The following HDGFL3 variants were observed in gnomAD, a reference collection of about 807,000 sequenced individuals.
The protein encoded by HDGFL3 is HDGF like 3.
A neutral mutation model predicts 27.6 loss-of-function variants in HDGFL3; 6 were observed. That is an observed-to-expected ratio of 0.22 (90% CI 0.12 to 0.43). The LOEUF is 0.43. HDGFL3 is among the 20% of genes least tolerant of loss of function. HDGFL3 has a pLI of 1.00. For missense variants in HDGFL3, 207 were observed against 250.1 expected, an observed-to-expected ratio of 0.83 and a Z score of 1.16; for synonymous variants, 88 against 88.9, an observed-to-expected ratio of 0.99 and a Z score of 0.05.
At chr15:83,174,363 T>C (rs1256002012) in intron 1 of HDGFL3, among the ~76,000 whole-genome samples, 1 of 152,202 alleles carries the variant, frequency 6.6e-6, no homozygotes, top group East Asian at 1.9e-4. Flanking sequence ...AATTTAGTTA[T>C]CTAAATCAAG....
In HDGFL3 at chr15:83,130,324, G is replaced by A. The variant is rs975032355; in HGVS notation, c.*8946C>T. ...GTTGGTGAAGCTAAGCTTGCAGGTG[G>A]GCACTTATTACTCCAGCCAAGTGGT... is the stretch of plus-strand genomic sequence containing the variant. On this transcript the variant is annotated 3_prime_UTR_variant, in exon 6 of 6. Transcript: ENST00000299633. 1.3e-5 allele frequency: 2 copies of A among 152,418 alleles called. No individual in the cohort carries two copies. The highest frequency in any genetic ancestry group is 4.8e-5 in the African/African-American group (2 of 41,458). The allele number at this position is 152,418 out of a possible 1,614,324, so 9.4% of individuals were successfully genotyped here.
intron 1 of HDGFL3, among the ~76,000 whole-genome samples, chr15:83,178,230 A>C (rs1001253947): frequency 1.3e-5 from 2 of 152,240 alleles, no homozygotes; most frequent in Non-Finnish European, 2.9e-5. Flanking sequence ...TTCTGAATCT[A>C]CTAATGTCAA....
chr15:83,135,832 A>G lies in HDGFL3; in HGVS notation c.*3438T>C, dbSNP rs1275481217. 6.6e-6 allele frequency: 1 copy of G among 152,138 alleles called. No homozygotes were observed. The highest frequency in any genetic ancestry group is 2.4e-5 in the African/African-American group (1 of 41,424). The allele number at this position is 152,138 out of a possible 1,614,324, so 9.4% of individuals were successfully genotyped here. A position where few individuals can be genotyped will look rare whatever the true frequency, so the allele number is the denominator to read the frequency against. On this transcript the variant is annotated 3_prime_UTR_variant, in exon 6 of 6. Transcript: ENST00000299633. Reference sequence around the variant, plus strand: ...AAAGAGCAACCGTACTCCTACCTCCACCCAAGTTGGTAACAACCTTATCTT... The same window carrying G: ...AAAGAGCAACCGTACTCCTACCTCCGCCCAAGTTGGTAACAACCTTATCTT...
At chr15:83,203,656 G>A (rs2037679634) in intron 1 of HDGFL3, among the ~76,000 whole-genome samples, 1 of 151,758 alleles carries the variant, frequency 6.6e-6, no homozygotes, top group African/African-American at 2.4e-5. Flanking sequence ...GAAGCAGGCA[G>A]AAAATATTCC....
exon 4 of HDGFL3, chr15:83,112,942 A>G (rs374579963): frequency 1.4e-6 from 2 of 1,455,356 alleles, no homozygotes; most frequent in East Asian, 2.3e-5. Context: ...CTGATTAATA[A>G]CACAATACTT....
At chr15:83,124,806 A>G, downstream of HDGFL3, 1 of 1,499,358 alleles carries the variant, frequency 6.7e-7, no homozygotes. Context: ...ATAACGTAAC[A>G]TTGTGATACT....
At chr15:83,193,917 C>A (rs58292616) in intron 1 of HDGFL3, among the ~76,000 whole-genome samples, 51 of 152,292 alleles carry the variant, frequency 3.3e-4, no homozygotes, top group African/African-American at 1.2e-3. Context: ...CTGCTATACG[C>A]TGCCACGTTA....
intron 5 of HDGFL3, among the ~76,000 whole-genome samples, chr15:83,150,872 A>G (rs557239442): frequency 2.1e-4 from 32 of 152,334 alleles, no homozygotes; most frequent in African/African-American, 7.5e-4. Context: ...TGAACATGCC[A>G]TTGATTTTGT....
chr15:83,174,891 A>C (rs1596558833), intron 1 of HDGFL3, among the ~76,000 whole-genome samples: 1 of 152,214 alleles, frequency 6.6e-6, no homozygotes. Flanking sequence ...GGTGGCCCTC[A>C]AGCCATTTAC....
rs939626536 is a variant in HDGFL3 at position 83,127,874 on chromosome 15, C to T, written c.*11396G>A. On this transcript the variant is annotated 3_prime_UTR_variant, in exon 6 of 6. Transcript: ENST00000299633. ...AATTTAAGACTTCAGAATTCCACTA[C>T]GCTATGCTATACAGAACCAGGGAAA... is the stretch of plus-strand genomic sequence containing the variant. The T allele has an allele frequency of 8.0e-6, 2 of 248,846 alleles. No homozygotes were observed. The highest frequency in any genetic ancestry group is 2.3e-5 in the African/African-American group (1 of 42,592). 15.4% of individuals were successfully genotyped at this position (248,846 alleles called of 1,614,324 possible). A position where few individuals can be genotyped will look rare whatever the true frequency, so the allele number is the denominator to read the frequency against.
At chr15:83,120,587 C>CT (rs993490763) in intron 3 of HDGFL3, among the ~76,000 whole-genome samples, 3,132 of 125,916 alleles carry the variant, frequency 0.025, 98 homozygotes, top group South Asian at 0.15. Flanking sequence ...CCAGCTAATT[C>CT]TTTTTTTTTT....
chr15:83,125,672 T>A (rs2035677693), downstream of HDGFL3, among the ~76,000 whole-genome samples: 3 of 152,348 alleles, frequency 2.0e-5, no homozygotes, highest in Admixed American at 2.0e-4. Flanking sequence ...TTAATTATAT[T>A]CAGCTTCAGT....
Position 83,207,219 on chromosome 15 carries a change from C to A in HDGFL3, c.84+112G>T, listed in dbSNP as rs1567180440. On this transcript the variant is annotated intron_variant, in intron 1 of 5. Transcript: ENST00000299633. This position sits in a 1 kb window ranked among gnomAD's most constrained non-coding sequence, Gnocchi z 4.8. Reference sequence around the variant, plus strand: ...GCGCCGCCCTCAGCCCTCACCACAGCCGGCCGCGAGCTGCGGGCTCGGGGC... The same window carrying A: ...GCGCCGCCCTCAGCCCTCACCACAGACGGCCGCGAGCTGCGGGCTCGGGGC... 1.4e-6 allele frequency: 1 copy of A among 722,590 alleles called. No homozygotes were observed. Among genetic ancestry groups the A allele is most frequent in the Non-Finnish European group, 1.9e-6 (1 of 515,246 alleles). The allele number at this position is 722,590 out of a possible 1,614,324, so 44.8% of individuals were successfully genotyped here.
rs536975177 is a variant in HDGFL3, at chr15:83,122,395, GTAGATAGA to G, written c.394-6662_394-6655del. Among the ~76,000 whole-genome samples the G allele has an allele frequency of 2.6e-3, 392 of 151,974 alleles. 3 individuals are homozygous for G. Among genetic ancestry groups the G allele is most frequent in the Non-Finnish European group, 2.9e-3 (199 of 67,968 alleles). ...GTATGCAGGAAATCAGGATATATAG[GTAGATAGA>G]TAGATAGATAGATATAGATATAGGG... is the stretch of plus-strand genomic sequence containing the variant. On this transcript the variant is annotated intron_variant, in intron 3 of 3. Coordinates refer to the HDGFL3 transcript ENST00000568294.
At chr15:83,159,988 A>G (rs2037078201) in intron 2 of HDGFL3, among the ~76,000 whole-genome samples, 1 of 152,206 alleles carries the variant, frequency 6.6e-6, no homozygotes. Flanking sequence ...CAGACTGAAG[A>G]CTTAGTTACT....
intron 1 of HDGFL3, among the ~76,000 whole-genome samples, chr15:83,181,701 C>G (rs1449238791): frequency 6.6e-6 from 1 of 152,194 alleles, no homozygotes; most frequent in Non-Finnish European, 1.5e-5. Context: ...GTCTTGAACG[C>G]CTGACCCCAA....
chr15:83,169,339 C>T (rs547399207), intron 1 of HDGFL3: 58 of 300,688 alleles, frequency 1.9e-4, no homozygotes, highest in African/African-American at 1.2e-3. Context: ...GGCGTGAACC[C>T]GGGAGGCGGA....
intron 3 of HDGFL3, among the ~76,000 whole-genome samples, chr15:83,118,077 C>A (rs576446004): frequency 6.6e-6 from 1 of 152,178 alleles, no homozygotes; most frequent in South Asian, 2.1e-4. Flanking sequence ...TATAGAGAGG[C>A]CATGGCTGGC....
chr15:83,187,230 TC>T (rs1235915759), intron 1 of HDGFL3, among the ~76,000 whole-genome samples: 2 of 152,026 alleles, frequency 1.3e-5, no homozygotes, highest in Admixed American at 1.3e-4. Context: ...CGCTAAATCT[TC>T]CCCCAGACTT....
Sources: allele counts gnomAD v4.1 joint callset (sites outside exome capture counted in the v4.1 genomes callset), GRCh38; gene constraint gnomAD v4.1.1; non-coding constraint Gnocchi (gnomAD v3.1); transcripts MANE v1.5; gene names NCBI Gene and HGNC (gene_info 2026-07-23, HGNC 2026-07-21).